ZFPM2: variants seen among roughly 807,000 people sequenced by gnomAD.
The protein encoded by ZFPM2 is zinc finger protein, FOG family member 2, also known as zinc finger protein ZFPM2.
ZFPM2 carries 20 observed loss-of-function variants against 98.6 expected under a neutral mutation model. The ratio of observed to expected loss-of-function variants is 0.20; its 90% CI spans 0.14 to 0.29. ZFPM2 has a LOEUF of 0.29. Ranked by LOEUF, ZFPM2 falls within the 10% of genes least tolerant of loss-of-function variation. The pLI, the probability that ZFPM2 is intolerant of heterozygous loss-of-function variation, is 1.00. For missense variants in ZFPM2, 1,310 were observed against 1,388.6 expected (o/e 0.94, Z 0.90); for synonymous variants, 518 against 502.7 (o/e 1.03, Z -0.41).
intron 3 of ZFPM2, among the ~76,000 whole-genome samples, chr8:105,535,600 T>G (rs1466818644): frequency 2.0e-5 from 3 of 152,166 alleles, no homozygotes; most frequent in Admixed American, 1.3e-4. Flanking sequence ...TTTCTGGGCT[T>G]CTTTTGAGCA....
rs1563573477 is a variant in ZFPM2, at chr8:105,801,658, C to T, written c.1576C>T (p.Arg526Trp). 9 of 1,613,554 alleles carry T rather than the reference C, an allele frequency of 5.6e-6. No homozygotes were observed. Among genetic ancestry groups the T allele is most frequent in the South Asian group, 3.3e-5 (3 of 91,082 alleles). The change falls in exon 8 of 8, where the codon CGG (arginine) becomes TGG (tryptophan). Residue 526 changes from arginine to tryptophan, a missense_variant. Transcript: ENST00000407775. Reference protein sequence around the residue: ...ILAKMSELVHRRLRHGSSSYP... With the variant: ...ILAKMSELVHWRLRHGSSSYP... ...AGCTAAGATGTCTGAACTGGTGCAT[C>T]GGCGACTGAGGCATGGCAGTAGTAG... is the stretch of plus-strand genomic sequence containing the variant.
intron 1 of ZFPM2, among the ~76,000 whole-genome samples, chr8:105,331,069 T>C (rs547368192): frequency 7.1e-4 from 108 of 151,106 alleles, no homozygotes; most frequent in Non-Finnish European, 1.4e-3. Flanking sequence ...TACTTCATGT[T>C]CAACCCTTTT....
intron 3 of ZFPM2, among the ~76,000 whole-genome samples, chr8:105,487,921 TCTATCTATCTAGCTAGCTAG>T (rs919142332): frequency 2.0e-5 from 2 of 102,088 alleles, no homozygotes; most frequent in African/African-American, 6.8e-5. Context: ...TATCTATCTA[TCTATCTATCTAGCTAGCTAG>T]CTAGCTAGCT....
chr8:105,462,967 G>C (rs1409418270), intron 3 of ZFPM2, among the ~76,000 whole-genome samples: 2 of 152,062 alleles, frequency 1.3e-5, no homozygotes, highest in Middle Eastern at 6.8e-3. Flanking sequence ...ATTTAGTCAG[G>C]TGCTCCTTAT....
intron 3 of ZFPM2, among the ~76,000 whole-genome samples, chr8:105,457,648 T>A (rs1369178345): frequency 6.6e-6 from 1 of 152,180 alleles, no homozygotes; most frequent in Non-Finnish European, 1.5e-5. Flanking sequence ...TAAATTCACA[T>A]TGGACCCACT....
intron 4 of ZFPM2, among the ~76,000 whole-genome samples, chr8:105,616,275 A>G (rs1047887772): frequency 1.3e-5 from 2 of 152,182 alleles, no homozygotes; most frequent in South Asian, 2.1e-4. Flanking sequence ...GTATTATTTT[A>G]TAACCAATAG....
At chr8:105,701,008 A>G (rs752243252) in intron 5 of ZFPM2, among the ~76,000 whole-genome samples, 2 of 152,188 alleles carry the variant, frequency 1.3e-5, no homozygotes, top group Non-Finnish European at 2.9e-5. Context: ...TATGATAAAT[A>G]GTGTGTTTTG....
chr8:105,559,950 G>A (rs893954441), intron 3 of ZFPM2, among the ~76,000 whole-genome samples: 5 of 152,092 alleles, frequency 3.3e-5, no homozygotes, highest in African/African-American at 1.2e-4. Context: ...GCTCACGCCT[G>A]TAATTCCAGC....
chr8:105,419,058 G>A, intron 1 of ZFPM2, 86 bp from the exon 2 acceptor site: 1 of 1,334,600 alleles, frequency 7.5e-7, no homozygotes, highest in Non-Finnish European at 1.0e-6. Flanking sequence ...TCTCACCACT[G>A]TAACAAAAAA....
intron 5 of ZFPM2, among the ~76,000 whole-genome samples, chr8:105,734,803 C>CT (rs1159074291): frequency 2.0e-5 from 3 of 151,534 alleles, no homozygotes; most frequent in African/African-American, 4.8e-5. Flanking sequence ...TTTTATAGTC[C>CT]TTTTTTTGTG....
intron 1 of ZFPM2, among the ~76,000 whole-genome samples, chr8:105,383,000 A>G (rs1190741554): frequency 2.0e-5 from 3 of 152,164 alleles, no homozygotes; most frequent in Non-Finnish European, 4.4e-5. Context: ...GTAGAAATAT[A>G]TATTTAAATG....
At chr8:105,620,523 G>A (rs1816516900) in intron 4 of ZFPM2, among the ~76,000 whole-genome samples, 1 of 152,152 alleles carries the variant, frequency 6.6e-6, no homozygotes, top group African/African-American at 2.4e-5. Flanking sequence ...TTGTGCAGAA[G>A]CTCTTTAGTT....
intron 3 of ZFPM2, among the ~76,000 whole-genome samples, chr8:105,474,296 G>T (rs1034522537): frequency 6.6e-6 from 1 of 152,138 alleles, no homozygotes; most frequent in Admixed American, 6.5e-5. Flanking sequence ...AAGTTATTAC[G>T]TTAGTCTTCA....
At chr8:105,529,217 A>G (rs2130575717) in intron 3 of ZFPM2, among the ~76,000 whole-genome samples, 1 of 152,160 alleles carries the variant, frequency 6.6e-6, no homozygotes. Flanking sequence ...TTACAAAGAC[A>G]CCAGCCTTAT....
At chr8:105,399,259 A>G (rs926115905) in intron 1 of ZFPM2, among the ~76,000 whole-genome samples, 7 of 152,180 alleles carry the variant, frequency 4.6e-5, no homozygotes, top group Non-Finnish European at 1.0e-4. Flanking sequence ...GTGACAAGCA[A>G]TGGATTGTAG....
At chr8:105,620,781 A>G (rs2130815975) in intron 4 of ZFPM2, among the ~76,000 whole-genome samples, 1 of 152,276 alleles carries the variant, frequency 6.6e-6, no homozygotes, top group Admixed American at 6.5e-5. Flanking sequence ...CCATTTATTA[A>G]ATAGGGAATC....
intron 5 of ZFPM2, among the ~76,000 whole-genome samples, chr8:105,764,097 A>G (rs1812799296): frequency 6.6e-6 from 1 of 151,816 alleles, no homozygotes; most frequent in Non-Finnish European, 1.5e-5. Context: ...CCAGTCATTT[A>G]AAGATTAATT....
intron 5 of ZFPM2, chr8:105,784,775 T>G (rs1249198298): frequency 7.0e-6 from 1 of 141,924 alleles, no homozygotes; most frequent in Non-Finnish European, 1.5e-5. Context: ...GCAGCCTGGT[T>G]CCATTGCCCA....
chr8:105,544,405 T>G (rs1044403880), intron 3 of ZFPM2, among the ~76,000 whole-genome samples: 1 of 152,128 alleles, frequency 6.6e-6, no homozygotes, highest in African/African-American at 2.4e-5. Flanking sequence ...TGTAATTGAT[T>G]ATGTGTTTGT....
Sources: allele counts gnomAD v4.1 joint callset (sites outside exome capture counted in the v4.1 genomes callset), GRCh38; gene constraint gnomAD v4.1.1; transcripts MANE v1.5; gene names NCBI Gene and HGNC (gene_info 2026-07-23, HGNC 2026-07-21).